Variants in GSTO2 observed in about 807,000 individuals in gnomAD.
GSTO2 encodes the protein glutathione S-transferase omega-2.
Under a neutral mutation model 28.4 loss-of-function variants are expected in GSTO2, and 23 were observed. That is an observed-to-expected ratio of 0.81 (90% CI 0.58 to 1.15). The LOEUF (loss-of-function observed/expected upper bound fraction) is 1.15, where lower values mean the gene tolerates loss of function less well. Ranked by LOEUF, GSTO2 falls within the 50% of genes most tolerant of loss-of-function variation. The probability of loss-of-function intolerance (pLI) is 0.00; values close to 1 mark genes in which losing one functional copy is unlikely to be tolerated. For synonymous variants in GSTO2, 109 were observed against 111.0 expected (o/e 0.98, Z 0.11); for missense variants, 298 against 297.8 (o/e 1.00, Z 0.00).
At chr10:104,274,996 GA>G (rs769111001) in intron 2 of GSTO2, 47 bp downstream of exon 2, 1 of 1,561,490 alleles carries the variant, frequency 6.4e-7, no homozygotes, top group Non-Finnish European at 8.6e-7. Flanking sequence ...CCGCGTGACA[GA>G]AAATGTTGGC....
In GSTO2 at chr10:104,277,760, A is replaced by G. The variant is rs576209901; in HGVS notation, c.144-134A>G. On this transcript the variant is annotated intron_variant, in intron 3 of 6. Coordinates refer to ENST00000338595, the MANE Select transcript of GSTO2 (RefSeq NM_183239.2). The stretch of plus-strand genomic sequence containing the variant: ...GGAAGATGATGATGTTATGTATTTT[A>G]TACAAAACTTAAACCTTAAAACACT... 2.2e-5 allele frequency: 14 copies of G among 625,004 alleles called. 1 individual carries two copies. The African/African-American group carries it at 2.6e-4, about 11-fold the overall frequency. The allele number at this position is 625,004 out of a possible 1,614,324, so 38.7% of individuals were successfully genotyped here. A position where few individuals can be genotyped will look rare whatever the true frequency, so the allele number is the denominator to read the frequency against.
chr10:104,279,482 G>T lies in GSTO2; in HGVS notation c.468+11G>T, dbSNP rs752534010. 7 of 1,592,588 alleles carry T rather than the reference G, an allele frequency of 4.4e-6. No homozygotes were observed. Among genetic ancestry groups the T allele is most frequent in the Admixed American group, 1.7e-5 (1 of 59,970 alleles). On this transcript the variant is annotated intron_variant, in intron 5 of 6. Transcript: ENST00000338595. Reference sequence around the variant, plus strand: ...AGCAACCTGGAAGAGGTACAAAAAGGGGTCCCTCTCCTGGTCAGCTACAGT... The same window carrying T: ...AGCAACCTGGAAGAGGTACAAAAAGTGGTCCCTCTCCTGGTCAGCTACAGT...
Position 104,299,188 on chromosome 10 carries a change from A to C in GSTO2, c.636A>C (p.Thr212=). 7.4e-6 allele frequency: 12 copies of C among 1,614,208 alleles called. No individual in the cohort carries two copies. The highest frequency in any genetic ancestry group is 1.0e-5 in the Non-Finnish European group (12 of 1,180,026). The change falls in exon 7 of 7, where the codon ACA becomes ACC. Residue 212 remains threonine (T), a synonymous_variant. Transcript: ENST00000338595. The stretch of plus-strand genomic sequence containing the variant: ...TATCAGCCATGAAGTGGGACCCCAC[A>C]GTCTGTGCTCTTCTCATGGATAAGA... ...LWISAMKWDP[T]VCALLMDKSI... is the part of the protein sequence containing the mutation.
At chr10:104,269,965 T>C (rs1017017382) in intron 1 of GSTO2, among the ~76,000 whole-genome samples, 1 of 152,120 alleles carries the variant, frequency 6.6e-6, no homozygotes, top group African/African-American at 2.4e-5. Flanking sequence ...TTATATGTGC[T>C]ATTTTTCCAG....
chr10:104,303,664 C>A lies in GSTO2; in HGVS notation c.*4380C>A, dbSNP rs2013324854. ...TCAGGGAAGGAATTCAAGCAGGCTGCAGAAATTTGCATAAGTAAAAAGGAG... is the reference window on the plus strand; with the variant it reads ...TCAGGGAAGGAATTCAAGCAGGCTGAAGAAATTTGCATAAGTAAAAAGGAG... On this transcript the variant is annotated 3_prime_UTR_variant, in exon 7 of 7. Coordinates refer to ENST00000338595, the MANE Select transcript of GSTO2 (RefSeq NM_183239.2). The A allele has an allele frequency of 6.6e-6, 1 of 152,260 alleles. No individual in the cohort carries two copies. Among genetic ancestry groups the A allele is most frequent in the East Asian group, 1.9e-4 (1 of 5,184 alleles). 9.4% of individuals were successfully genotyped at this position (152,260 alleles called of 1,614,324 possible).
intron 5 of GSTO2, chr10:104,296,446 C>T: frequency 6.6e-6 from 1 of 151,704 alleles, no homozygotes; most frequent in East Asian, 1.9e-4. Flanking sequence ...CATGGCAAGA[C>T]CCCAAGACCC....
intron 5 of GSTO2, among the ~76,000 whole-genome samples, chr10:104,287,972 C>T (rs1357071317): frequency 6.7e-6 from 1 of 149,712 alleles, no homozygotes; most frequent in Non-Finnish European, 1.5e-5. Flanking sequence ...ACTGCGAGCT[C>T]CACCTCCCAG....
intron 3 of GSTO2, among the ~76,000 whole-genome samples, chr10:104,276,215 T>C (rs1376380273): frequency 6.6e-6 from 1 of 152,212 alleles, no homozygotes; most frequent in Non-Finnish European, 1.5e-5. Flanking sequence ...TTAAATAAAA[T>C]TATGTAAATC....
In GSTO2 at chr10:104,275,324, A is replaced by G. The variant is rs1305194333; in HGVS notation, c.133A>G (p.Lys45Glu). ...SHRTRLVLKAKDIRHEVVNIN... is the reference protein window; with the variant it reads ...SHRTRLVLKAEDIRHEVVNIN... ...CAGGACCCGCCTCGTCCTCAAGGCC[A>G]AAGACATCAGGTGAGAAGCGGGAAC... The change falls in exon 3 of 7, where the codon AAA becomes GAA. Residue 45 changes from lysine (K) to glutamate (E), a missense_variant. By Grantham distance (56) the Lys-to-Glu change is moderately conservative. Coordinates refer to ENST00000338595, the MANE Select transcript of GSTO2 (RefSeq NM_183239.2). 1.2e-6 allele frequency: 2 copies of G among 1,613,930 alleles called. No homozygotes were observed. The highest frequency in any genetic ancestry group is 1.7e-6 in the Non-Finnish European group (2 of 1,179,898).
intron 5 of GSTO2, among the ~76,000 whole-genome samples, chr10:104,281,499 A>G (rs1389494901): frequency 6.6e-6 from 1 of 152,176 alleles, no homozygotes; most frequent in Non-Finnish European, 1.5e-5. Context: ...TGAACTTTTT[A>G]AATTACAGAT....
rs1483251249 is a variant in GSTO2, at chr10:104,301,495, C to G, written c.*2211C>G. The G allele has an allele frequency of 6.6e-6, 1 of 152,178 alleles. No individual in the cohort carries two copies. Among genetic ancestry groups the G allele is most frequent in the African/African-American group, 2.4e-5 (1 of 41,450 alleles). The allele number at this position is 152,178 out of a possible 1,614,324, so 9.4% of individuals were successfully genotyped here. ...TCCATCTCGCTTCTTTGTCACTTGT[C>G]TGACCCACAGAGAAAACTGAGTTAT... On this transcript the variant is annotated 3_prime_UTR_variant, in exon 7 of 7. Transcript: ENST00000338595.
intron 5 of GSTO2, among the ~76,000 whole-genome samples, chr10:104,288,668 C>T (rs1472763891): frequency 2.6e-5 from 4 of 152,164 alleles, no homozygotes; most frequent in African/African-American, 9.7e-5. Context: ...GTATGTCATC[C>T]CTTGCTCCTG....
chr10:104,274,756 T>G lies in GSTO2; in HGVS notation c.-160T>G. 1.2e-6 allele frequency: 1 copy of G among 830,112 alleles called. No homozygotes were observed. Among genetic ancestry groups the G allele is most frequent in the Non-Finnish European group, 1.9e-6 (1 of 515,620 alleles). 51.4% of individuals were successfully genotyped at this position (830,112 alleles called of 1,614,324 possible). The stretch of plus-strand genomic sequence containing the variant: ...AAATTACCCTAGCTCCTGCTCCAGA[T>G]CGCTTCCCCGTGCCCCGCCAGAGCC... On this transcript the variant is annotated 5_prime_UTR_variant, in exon 2 of 7. Transcript: ENST00000338595.
chr10:104,271,243 G>C (rs1180075688), intron 1 of GSTO2, among the ~76,000 whole-genome samples: 1 of 152,172 alleles, frequency 6.6e-6, no homozygotes, highest in East Asian at 1.9e-4. Context: ...CATTCAATTG[G>C]CATTAAACTG....
chr10:104,275,636 A>T (rs2011596827), intron 3 of GSTO2, among the ~76,000 whole-genome samples: 1 of 152,126 alleles, frequency 6.6e-6, no homozygotes, highest in Admixed American at 6.5e-5. Context: ...AACACTACTG[A>T]GGCCTTACCT....
intron 5 of GSTO2, among the ~76,000 whole-genome samples, chr10:104,285,288 G>C (rs1468708114): frequency 2.0e-5 from 3 of 151,934 alleles, no homozygotes. Flanking sequence ...CTCTTTTAGA[G>C]ATTGGGGTCT....
In GSTO2 at chr10:104,283,029, GCT is replaced by G. The variant is rs1589864687; in HGVS notation, c.468+3559_468+3560del. ...GAAAAAGCACGGATTTATAGCATTT[GCT>G]GATTTGGGTGGTGTAAACACTTCCG... On this transcript the variant is annotated intron_variant, in intron 5 of 6. Transcript: ENST00000338595. Among the ~76,000 whole-genome samples, 9 of 152,342 alleles carry G rather than the reference GCT, an allele frequency of 5.9e-5. No individual in the cohort carries two copies. In the East Asian group the frequency reaches 1.7e-3, roughly 29 times the overall value.
At position 104,270,225 on chromosome 10, in the gene GSTO2, G is replaced by A. The variant is rs994286790; in HGVS notation, c.-232+956G>A. 1.4e-4 allele frequency among the ~76,000 whole-genome samples: 21 copies of A among 152,204 alleles called. 1 individual carries two copies. Among genetic ancestry groups the A allele is most frequent in the African/African-American group, 4.6e-4 (19 of 41,532 alleles). On this transcript the variant is annotated intron_variant, in intron 1 of 6. Transcript: ENST00000338595. ...AGACGGGGTTTCACCGTGTTAGCCA[G>A]GATGGTCTCGATCTCTTGACCTCGT... is the stretch of plus-strand genomic sequence containing the variant.
chr10:104,283,054 C>T (rs1157628480), intron 5 of GSTO2, among the ~76,000 whole-genome samples: 4 of 152,200 alleles, frequency 2.6e-5, no homozygotes, highest in Non-Finnish European at 5.9e-5. Context: ...GTAAACACTT[C>T]CGTCAAGGTT....
Sources: gnomAD v4.1 joint callset for allele counts (sites outside exome capture counted in the v4.1 genomes callset) on GRCh38, gnomAD v4.1.1 for gene constraint, MANE v1.5 for transcripts, NCBI Gene and HGNC (gene_info 2026-07-23, HGNC 2026-07-21) for gene names.